IQCB1: variants seen among roughly 807,000 people sequenced by gnomAD.
IQCB1 encodes the protein IQ motif containing B1, also known as IQ calmodulin-binding motif-containing protein 1.
In IQCB1, 56 loss-of-function variants were observed where a neutral mutation model predicts 84.4. That is an observed-to-expected ratio of 0.66 (90% CI 0.54 to 0.83). The LOEUF (loss-of-function observed/expected upper bound fraction) is 0.83. IQCB1 is among the 40% of genes least tolerant of loss of function. IQCB1 has a pLI of 0.00. For synonymous variants in IQCB1, 210 were observed against 234.8 expected, an observed-to-expected ratio of 0.89 and a Z score of 0.96; for missense variants, 629 against 682.1, an observed-to-expected ratio of 0.92 and a Z score of 0.87.
At chr3:121,812,440 T>A (rs752798719) in intron 5 of IQCB1, among the ~76,000 whole-genome samples, 19 of 152,130 alleles carry the variant, frequency 1.2e-4, no homozygotes, top group Non-Finnish European at 2.2e-4. Context: ...TTAACAAAAG[T>A]AGGCTTCGGA....
chr3:121,781,431 AG>A (rs774874193), intron 13 of IQCB1, among the ~76,000 whole-genome samples: 6 of 152,188 alleles, frequency 3.9e-5, no homozygotes, highest in Non-Finnish European at 8.8e-5. Context: ...TCTTTCTGGA[AG>A]GTTCAAAATA....
At chr3:121,813,599 C>CA (rs1559789694) in intron 5 of IQCB1, among the ~76,000 whole-genome samples, 2 of 150,964 alleles carry the variant, frequency 1.3e-5, no homozygotes, top group South Asian at 2.1e-4. Context: ...AAATGGAAAG[C>CA]AAAAAAAAGC....
rs746481191 is a variant in IQCB1, at chr3:121,790,171, T to A, written c.1031A>T (p.Glu344Val). Residue 344 changes from glutamate to valine, a missense_variant, in exon 11 of 15, where the codon GAA (glutamate) becomes GTA (valine). Transcript: ENST00000310864. ...CAATTGTAATTTGAGGTCCTCTTCT[T>A]CCTTCTGCCTATTTATCTCCAGCAA... ...KMLLEINRQK[E>V]EEDLKLQLQL... 1 of 1,613,690 alleles carries A rather than the reference T, an allele frequency of 6.2e-7. No homozygotes were observed. The highest frequency in any genetic ancestry group is 1.1e-5 in the South Asian group (1 of 91,070).
At chr3:121,776,905 A>C (rs1948253723) in intron 13 of IQCB1, among the ~76,000 whole-genome samples, 1 of 152,216 alleles carries the variant, frequency 6.6e-6, no homozygotes, top group Non-Finnish European at 1.5e-5. Flanking sequence ...GACCTTTATC[A>C]AATATATGCT....
At chr3:121,830,817 G>T (rs1226925418) in intron 2 of IQCB1, among the ~76,000 whole-genome samples, 20 of 152,130 alleles carry the variant, frequency 1.3e-4, no homozygotes, top group Admixed American at 1.2e-3. Flanking sequence ...CTAGCTGTAG[G>T]TCATAAGACC....
chr3:121,797,096 T>A (rs778654624), intron 9 of IQCB1, 22 bp downstream of exon 9: 1 of 1,246,062 alleles, frequency 8.0e-7, no homozygotes, highest in Admixed American at 1.7e-5. Context: ...TCATGCAATT[T>A]TTTTTTTTTG....
intron 13 of IQCB1, among the ~76,000 whole-genome samples, chr3:121,780,868 G>GTGTGTGTA (rs746760956): frequency 2.8e-5 from 4 of 141,300 alleles, no homozygotes; most frequent in East Asian, 3.9e-4. Context: ...GTGTGTATGT[G>GTGTGTGTA]TGTGTGTGTG....
At chr3:121,802,382 A>C (rs944338850) in intron 7 of IQCB1, among the ~76,000 whole-genome samples, 1 of 152,052 alleles carries the variant, frequency 6.6e-6, no homozygotes, top group African/African-American at 2.4e-5. Context: ...TCTTTCAATA[A>C]ATTTGTCCAT....
At position 121,772,580 on chromosome 3, in the gene IQCB1, C is replaced by A. The variant is rs886057823; in HGVS notation, c.1544G>T (p.Ser515Ile). The A allele has an allele frequency of 1.1e-5, 18 of 1,614,214 alleles. No homozygotes were observed. In the East Asian group the frequency reaches 4.0e-4, roughly 36 times the overall value. ...ACTCATTAGCTGTTCAACGTTGGTG[C>A]TGATCTGTGCTATCAGAGCTTCTCT... ...QHREALIAQI[S>I]TNVEQLMKAP... The change falls in exon 14 of 15, where the codon AGC (serine) becomes ATC (isoleucine). Residue 515 changes from serine to isoleucine, a missense_variant. By Grantham distance (142) the Ser-to-Ile change is moderately radical (BLOSUM62 -2). Transcript: ENST00000310864.
At position 121,808,943 on chromosome 3, in the gene IQCB1, C is replaced by G. The variant is rs1559784939; in HGVS notation, c.460G>C (p.Gly154Arg). The stretch of plus-strand genomic sequence containing the variant: ...TTCTGAATAAGTTCAACATGGCCTC[C>G]CAAAAGCCAGAAGAGAGAATCAGTC... Reference protein sequence around the residue: ...IVTDSLFWLLGGHVELIQNVL... With the variant: ...IVTDSLFWLLRGHVELIQNVL... The change falls in exon 6 of 15, where the codon GGA becomes CGA. Residue 154 changes from glycine (G) to arginine (R), a missense_variant. Gly to Arg is a moderately radical substitution (Grantham distance 125). Transcript: ENST00000310864. The G allele has an allele frequency of 6.2e-7, 1 of 1,609,674 alleles. No homozygotes were observed. Among genetic ancestry groups the G allele is most frequent in the East Asian group, 2.2e-5 (1 of 44,730 alleles).
At chr3:121,829,637 C>T (rs1375598784) in intron 2 of IQCB1, among the ~76,000 whole-genome samples, 1 of 152,202 alleles carries the variant, frequency 6.6e-6, no homozygotes, top group Non-Finnish European at 1.5e-5. Flanking sequence ...GTAGACAACA[C>T]TTCAAACATG....
At chr3:121,776,507 T>A (rs1007038499) in intron 13 of IQCB1, among the ~76,000 whole-genome samples, 1 of 152,236 alleles carries the variant, frequency 6.6e-6, no homozygotes, top group Non-Finnish European at 1.5e-5. Context: ...ACCTTTGGCA[T>A]GTTCCATTTT....
intron 8 of IQCB1, among the ~76,000 whole-genome samples, chr3:121,798,537 GT>G (rs1171541301): frequency 6.6e-6 from 1 of 151,770 alleles, no homozygotes; most frequent in Non-Finnish European, 1.5e-5. Context: ...CCATGTCTCT[GT>G]TTCTATATCT....
Position 121,797,148 on chromosome 3 carries a change from G to A in IQCB1, c.846C>T (p.Ser282=), listed in dbSNP as rs943151135. 3.1e-6 allele frequency: 5 copies of A among 1,604,990 alleles called. No homozygotes were observed. Among genetic ancestry groups the A allele is most frequent in the Admixed American group, 3.3e-5 (2 of 59,924 alleles). Residue 282 remains serine (S), a synonymous_variant, in exon 9 of 15, where the codon AGC becomes AGT. Coordinates refer to ENST00000310864, the MANE Select transcript of IQCB1 (RefSeq NM_001023570.4). ...CTTCTACTTCCTGATAGACCATTGG[G>A]CTTAAAAGGCCAACAAGCTGTCTAA... ...QELRQLVGLL[S]PMVYQEVEEQ...
Position 121,797,093 on chromosome 3 carries a change from A to AT in IQCB1, c.876+24dup, listed in dbSNP as rs74268687. ...TAATATAGTCAGCAAATATCATGCA[A>AT]TTTTTTTTTTTTGTAACTTAATACC... On this transcript the variant is annotated intron_variant, in intron 9 of 14. Coordinates refer to ENST00000310864, the MANE Select transcript of IQCB1 (RefSeq NM_001023570.4). The AT allele has an allele frequency of 0.16, 121,757 of 755,346 alleles. 110 individuals are homozygous for AT. The highest frequency in any genetic ancestry group is 0.2 in the South Asian group (9,246 of 45,126). 46.8% of individuals were successfully genotyped at this position (755,346 alleles called of 1,614,324 possible). A position where few individuals can be genotyped will look rare whatever the true frequency, so the allele number is the denominator to read the frequency against.
At chr3:121,788,615 T>C (rs1948831468) in intron 11 of IQCB1, among the ~76,000 whole-genome samples, 183 bp from the exon 12 acceptor site, 1 of 152,056 alleles carries the variant, frequency 6.6e-6, no homozygotes, top group South Asian at 2.1e-4. Flanking sequence ...TTTCCCAGAT[T>C]ATGCAGCTTC....
At chr3:121,821,283 T>C (rs1470728938) in intron 5 of IQCB1, among the ~76,000 whole-genome samples, 1 of 152,224 alleles carries the variant, frequency 6.6e-6, no homozygotes, top group Non-Finnish European at 1.5e-5. Context: ...TCTTTCTGAA[T>C]GAGAATACTC....
intron 10 of IQCB1, among the ~76,000 whole-genome samples, chr3:121,791,711 T>C (rs1213871834): frequency 2.0e-5 from 3 of 152,188 alleles, no homozygotes; most frequent in Non-Finnish European, 4.4e-5. Context: ...AGCATGCAGA[T>C]AATAATGTTT....
At chr3:121,804,556 T>A (rs976769544) in intron 7 of IQCB1, among the ~76,000 whole-genome samples, 1 of 152,138 alleles carries the variant, frequency 6.6e-6, no homozygotes, top group Non-Finnish European at 1.5e-5. Flanking sequence ...TTTTTACTTG[T>A]GTTGTTTCTG....
Sources: gnomAD v4.1 joint callset for allele counts (sites outside exome capture counted in the v4.1 genomes callset) on GRCh38, gnomAD v4.1.1 for gene constraint, MANE v1.5 for transcripts, NCBI Gene and HGNC (gene_info 2026-07-23, HGNC 2026-07-21) for gene names.